The following BABAM2 variants were observed in gnomAD, a reference collection of about 807,000 sequenced individuals.
BABAM2 encodes the protein BRISC and BRCA1 A complex member 2, also known as BRISC and BRCA1-A complex member 2.
BABAM2 carries 31 observed loss-of-function variants against 54.7 expected under a neutral mutation model. The ratio of observed to expected loss-of-function variants is 0.57; its 90% confidence interval spans 0.43 to 0.77. BABAM2 has a LOEUF of 0.77. BABAM2 is among the 30% of genes least tolerant of loss of function. The pLI is 0.00. For missense variants in BABAM2, 364 were observed against 455.8 expected, an observed-to-expected ratio of 0.80 and a Z score of 1.83; for synonymous variants, 167 against 162.9, an observed-to-expected ratio of 1.03 and a Z score of -0.19.
At chr2:27,977,229 T>C (rs146911043) in intron 3 of BABAM2, among the ~76,000 whole-genome samples, 64 of 152,294 alleles carry the variant, frequency 4.2e-4, no homozygotes, top group African/African-American at 1.5e-3. Context: ...TTAGACATTA[T>C]TGTTTAAATT....
At chr2:28,026,305 C>T (rs1347676586) in intron 5 of BABAM2, among the ~76,000 whole-genome samples, 1 of 152,048 alleles carries the variant, frequency 6.6e-6, no homozygotes, top group African/African-American at 2.4e-5. Context: ...CAGCACTGTT[C>T]ACAATAGCAA....
At chr2:28,338,421 A>G (rs1172493524) in intron 11 of BABAM2, 29 bp from the exon 12 acceptor site, 4 of 1,599,724 alleles carry the variant, frequency 2.5e-6, no homozygotes, top group Admixed American at 1.7e-5. Context: ...GCTAACCACA[A>G]TTTTTTTTCT....
intron 7 of BABAM2, among the ~76,000 whole-genome samples, chr2:28,136,725 C>T (rs1440827131): frequency 6.6e-6 from 1 of 152,138 alleles, no homozygotes; most frequent in African/African-American, 2.4e-5. Flanking sequence ...CGTCTCCAGC[C>T]TCCCCTCCCC....
chr2:27,942,791 A>AATTT (rs34308709), intron 3 of BABAM2, among the ~76,000 whole-genome samples: 60,652 of 141,482 alleles, frequency 0.43, 13,785 homozygotes, highest in East Asian at 0.56. Flanking sequence ...TTTCTTAAAA[A>AATTT]ATTTATTTAT....
chr2:28,069,905 C>G (rs115486403), intron 6 of BABAM2, among the ~76,000 whole-genome samples: 5 of 152,160 alleles, frequency 3.3e-5, no homozygotes, highest in Non-Finnish European at 5.9e-5. Flanking sequence ...GATAGGGTCT[C>G]GCTCTGTTGC....
chr2:28,282,262 A>G (rs1187108472), intron 10 of BABAM2, among the ~76,000 whole-genome samples: 1 of 152,152 alleles, frequency 6.6e-6, no homozygotes, highest in African/African-American at 2.4e-5. Flanking sequence ...AAAATTCTTA[A>G]AAGTCTGAGC....
chr2:28,091,253 A>G (rs1666130755), intron 6 of BABAM2, among the ~76,000 whole-genome samples: 1 of 152,234 alleles, frequency 6.6e-6, no homozygotes, highest in Admixed American at 6.5e-5. Context: ...CGAAAAAAAT[A>G]CAAACTCCTT....
chr2:28,331,014 G>T (rs1218980683), intron 11 of BABAM2, among the ~76,000 whole-genome samples: 1 of 152,084 alleles, frequency 6.6e-6, no homozygotes, highest in African/African-American at 2.4e-5. Flanking sequence ...CAGAAATAAG[G>T]CCGCACATCT....
intron 6 of BABAM2, among the ~76,000 whole-genome samples, chr2:28,087,302 A>C (rs2148683908): frequency 6.6e-6 from 1 of 152,280 alleles, no homozygotes; most frequent in African/African-American, 2.4e-5. Flanking sequence ...TTTTTACCAC[A>C]AGAAAAAAGC....
chr2:28,219,515 T>A (rs540215900), intron 7 of BABAM2, among the ~76,000 whole-genome samples: 4 of 152,258 alleles, frequency 2.6e-5, no homozygotes, highest in Non-Finnish European at 5.9e-5. Context: ...CTCACCAAAG[T>A]CCCTTTAGCC....
intron 7 of BABAM2, among the ~76,000 whole-genome samples, chr2:28,172,211 G>A (rs1674402716): frequency 6.6e-6 from 1 of 151,952 alleles, no homozygotes; most frequent in African/African-American, 2.4e-5. Context: ...ATTCATTTAG[G>A]ACTTCGAAGA....
intron 3 of BABAM2, among the ~76,000 whole-genome samples, chr2:27,973,115 C>T (rs1671345561): frequency 6.6e-6 from 1 of 152,008 alleles, no homozygotes. Context: ...TGAGTAAACC[C>T]TGCACCCTAT....
At chr2:28,217,773 G>A (rs140891098) in intron 7 of BABAM2, among the ~76,000 whole-genome samples, 1 of 152,042 alleles carries the variant, frequency 6.6e-6, no homozygotes, top group East Asian at 1.9e-4. Flanking sequence ...CAGTCTATAG[G>A]TATTTATTGC....
At chr2:28,024,126 C>T (rs376076600) in intron 4 of BABAM2, among the ~76,000 whole-genome samples, 1 of 152,138 alleles carries the variant, frequency 6.6e-6, no homozygotes, top group Admixed American at 6.5e-5. Flanking sequence ...TGTCTTTGGC[C>T]GGGCACGGTG....
chr2:28,032,532 T>C (rs1377834967), intron 5 of BABAM2, among the ~76,000 whole-genome samples: 1 of 152,208 alleles, frequency 6.6e-6, no homozygotes, highest in Non-Finnish European at 1.5e-5. Context: ...ATTGTCTAAT[T>C]CTTTACCGTT....
intron 10 of BABAM2, among the ~76,000 whole-genome samples, chr2:28,280,950 A>G (rs1686305979): frequency 6.6e-6 from 1 of 152,184 alleles, no homozygotes; most frequent in African/African-American, 2.4e-5. Flanking sequence ...TTAGCTGTTG[A>G]GTCCACATCA....
chr2:28,232,855 A>G (rs1445706081), intron 7 of BABAM2, among the ~76,000 whole-genome samples: 1 of 152,174 alleles, frequency 6.6e-6, no homozygotes, highest in Non-Finnish European at 1.5e-5. Context: ...TTTCATTTGC[A>G]TGGAAAAGAC....
intron 10 of BABAM2, among the ~76,000 whole-genome samples, chr2:28,285,952 TA>T (rs1686760367): frequency 6.7e-6 from 1 of 149,334 alleles, no homozygotes; most frequent in Non-Finnish European, 1.5e-5. Context: ...TAACGAATAA[TA>T]ACTTTTTTTT....
chr2:28,246,958 A>G (rs1207156876), intron 10 of BABAM2, among the ~76,000 whole-genome samples: 4 of 152,198 alleles, frequency 2.6e-5, no homozygotes, highest in Admixed American at 2.0e-4. Flanking sequence ...CCTTGGTACC[A>G]TGTGTTCAGT....
Sources: gnomAD v4.1 joint callset for allele counts (sites outside exome capture counted in the v4.1 genomes callset) on GRCh38, gnomAD v4.1.1 for gene constraint, MANE v1.5 for transcripts, NCBI Gene and HGNC (gene_info 2026-07-23, HGNC 2026-07-21) for gene names.